CEP43: variants seen among roughly 807,000 people sequenced by gnomAD.
CEP43 encodes the protein FGFR1 oncogene partner.
In CEP43, 36 loss-of-function variants were observed where a neutral mutation model predicts 52.6. The ratio of observed to expected loss-of-function variants is 0.68; its 90% CI spans 0.52 to 0.90. The LOEUF is 0.90. Among genes scored for constraint, CEP43 ranks in the 40% least tolerant of loss-of-function variants. CEP43 has a pLI of 0.00. For missense variants in CEP43, 506 were observed against 472.8 expected, an observed-to-expected ratio of 1.07 and a Z score of -0.65; for synonymous variants, 192 against 172.4, an observed-to-expected ratio of 1.11 and a Z score of -0.89.
At position 167,041,511 on chromosome 6, in the gene CEP43, T is replaced by G. The variant is rs1780694956; in HGVS notation, c.*1533T>G. 4 of 1,054,628 alleles carry G rather than the reference T, an allele frequency of 3.8e-6. No homozygotes were observed. The highest frequency in any genetic ancestry group is 4.6e-5 in the South Asian group (1 of 21,876). The allele number at this position is 1,054,628 out of a possible 1,614,324, so 65.3% of individuals were successfully genotyped here. A position where few individuals can be genotyped will look rare whatever the true frequency, so the allele number is the denominator to read the frequency against. ...TCTTGTTGCAGTCCCCCAGTGTGGTTGTTATAAAATGCATTTCTTTGTAAG... is the reference window on the plus strand; with the variant it reads ...TCTTGTTGCAGTCCCCCAGTGTGGTGGTTATAAAATGCATTTCTTTGTAAG... On this transcript the variant is annotated 3_prime_UTR_variant, in exon 13 of 13. Transcript: ENST00000366847.
intron 1 of CEP43, 127 bp from the exon 2 acceptor site, chr6:166,999,933 C>A: frequency 1.4e-6 from 1 of 692,024 alleles, no homozygotes. Context: ...TTTCGGAAGG[C>A]GTTTCTGACC....
intron 1 of CEP43, 186 bp downstream of exon 1, chr6:166,999,700 G>C: frequency 2.1e-6 from 1 of 476,870 alleles, no homozygotes; most frequent in Non-Finnish European, 3.6e-6. Context: ...TCGTTCGTTC[G>C]TGTGGTCCCG....
chr6:167,018,550 C>A (rs550335806), intron 7 of CEP43, among the ~76,000 whole-genome samples: 15 of 152,200 alleles, frequency 9.9e-5, no homozygotes, highest in Admixed American at 2.6e-4. Context: ...GCCACCACAC[C>A]CAGCTAATTT....
At chr6:167,005,387 T>C (rs1779828701) in intron 5 of CEP43, among the ~76,000 whole-genome samples, 1 of 152,250 alleles carries the variant, frequency 6.6e-6, no homozygotes, top group Admixed American at 6.5e-5. Context: ...ATGGAGGAAT[T>C]GTCATTTAAC....
Position 167,040,146 on chromosome 6 carries a change from A to G in CEP43, c.*168A>G. 1.3e-6 allele frequency: 2 copies of G among 1,543,330 alleles called. No individual in the cohort carries two copies. The highest frequency in any genetic ancestry group is 1.7e-6 in the Non-Finnish European group (2 of 1,146,590). On this transcript the variant is annotated 3_prime_UTR_variant, in exon 13 of 13. Transcript: ENST00000366847. ...AGTAATTTTCATTTTACTAAACAAAATACTTCCTATTTGAGCCCATGTGTG... is the reference window on the plus strand; with the variant it reads ...AGTAATTTTCATTTTACTAAACAAAGTACTTCCTATTTGAGCCCATGTGTG...
At chr6:167,035,383 A>G (rs969273963) in intron 12 of CEP43, among the ~76,000 whole-genome samples, 2 of 152,028 alleles carry the variant, frequency 1.3e-5, no homozygotes, top group African/African-American at 4.8e-5. Flanking sequence ...CTTTCAGCCA[A>G]GGTGACCAAA....
Position 167,046,166 on chromosome 6 carries a change from A to G in CEP43, c.*6188A>G, listed in dbSNP as rs1562538410. 6.6e-6 allele frequency: 1 copy of G among 152,096 alleles called. No homozygotes were observed. The highest frequency in any genetic ancestry group is 2.4e-5 in the African/African-American group (1 of 41,404). 9.4% of individuals were successfully genotyped at this position (152,096 alleles called of 1,614,324 possible). On this transcript the variant is annotated 3_prime_UTR_variant, in exon 13 of 13. Transcript: ENST00000366847. The stretch of plus-strand genomic sequence containing the variant: ...AATTACATTTATAGAGGTTAGGTAT[A>G]TATGGCAGATCATATCTGAGCGTGA...
intron 10 of CEP43, among the ~76,000 whole-genome samples, chr6:167,029,500 T>C (rs75265403): frequency 0.02 from 3,089 of 152,370 alleles, 52 homozygotes; most frequent in East Asian, 0.091. Flanking sequence ...CTCTGAGCAT[T>C]ACGTCCCCAC....
Position 167,050,451 on chromosome 6 carries a change from A to G in CEP43, c.*10473A>G, listed in dbSNP as rs982900803. ...GTTCACGTCTTTTATTTCCTTGTTGATCTTACTCTTAGTTGTTCTATCCAT... is the reference window on the plus strand; with the variant it reads ...GTTCACGTCTTTTATTTCCTTGTTGGTCTTACTCTTAGTTGTTCTATCCAT... On this transcript the variant is annotated 3_prime_UTR_variant, in exon 13 of 13. Coordinates refer to ENST00000366847, the MANE Select transcript of CEP43 (RefSeq NM_007045.4). 1.3e-5 allele frequency: 2 copies of G among 151,990 alleles called. No homozygotes were observed. Among genetic ancestry groups the G allele is most frequent in the Non-Finnish European group, 2.9e-5 (2 of 68,004 alleles). The allele number at this position is 151,990 out of a possible 1,614,324, so 9.4% of individuals were successfully genotyped here.
intron 6 of CEP43, among the ~76,000 whole-genome samples, chr6:167,013,094 C>G (rs1282750474): frequency 7.2e-5 from 11 of 152,158 alleles, no homozygotes; most frequent in African/African-American, 2.2e-4. Context: ...TAGAAACTCT[C>G]CAAGAGTAGG....
At position 167,041,598 on chromosome 6, in the gene CEP43, C is replaced by T. The variant is rs1780696696; in HGVS notation, c.*1620C>T. On this transcript the variant is annotated 3_prime_UTR_variant, in exon 13 of 13. Transcript: ENST00000366847. ...AGTTCTGGTCCCCTGGAATCTGGATCACATGTATGATTTATTTTTAATATT... is the reference window on the plus strand; with the variant it reads ...AGTTCTGGTCCCCTGGAATCTGGATTACATGTATGATTTATTTTTAATATT... The T allele has an allele frequency of 9.6e-7, 1 of 1,046,058 alleles. No individual in the cohort carries two copies. Among genetic ancestry groups the T allele is most frequent in the Admixed American group, 5.5e-5 (1 of 18,048 alleles). 64.8% of individuals were successfully genotyped at this position (1,046,058 alleles called of 1,614,324 possible).
intron 7 of CEP43, among the ~76,000 whole-genome samples, chr6:167,019,145 G>C (rs548934706): frequency 6.6e-6 from 1 of 152,192 alleles, no homozygotes; most frequent in South Asian, 2.1e-4. Flanking sequence ...TGCACCTCAT[G>C]TTTATGAAGT....
intron 7 of CEP43, among the ~76,000 whole-genome samples, chr6:167,020,037 C>T (rs1421950873): frequency 6.6e-6 from 1 of 152,152 alleles, no homozygotes; most frequent in Non-Finnish European, 1.5e-5. Context: ...TTTCCAAATG[C>T]ATATTCTTTT....
chr6:167,040,681 C>A lies in CEP43; in HGVS notation c.*703C>A. ...TGCAATCGTCATTCCTCCTGTTATC[C>A]ATGTAAGCAGCTTTAGTCGTAGGTT... On this transcript the variant is annotated 3_prime_UTR_variant, in exon 13 of 13. Transcript: ENST00000366847. The A allele has an allele frequency of 9.8e-7, 1 of 1,022,130 alleles. No homozygotes were observed. 63.3% of individuals were successfully genotyped at this position (1,022,130 alleles called of 1,614,324 possible).
chr6:167,020,726 T>C (rs1583281114), intron 7 of CEP43, among the ~76,000 whole-genome samples: 1 of 152,070 alleles, frequency 6.6e-6, no homozygotes, highest in Non-Finnish European at 1.5e-5. Flanking sequence ...GTGGCCAACA[T>C]GTTGAAACCC....
Position 167,047,824 on chromosome 6 carries a change from G to A in CEP43, c.*7846G>A, listed in dbSNP as rs1780821394. 1 of 151,520 alleles carries A rather than the reference G, an allele frequency of 6.6e-6. No individual in the cohort carries two copies. The highest frequency in any genetic ancestry group is 2.4e-5 in the African/African-American group (1 of 41,198). 9.4% of individuals were successfully genotyped at this position (151,520 alleles called of 1,614,324 possible). A position where few individuals can be genotyped will look rare whatever the true frequency, so the allele number is the denominator to read the frequency against. The stretch of plus-strand genomic sequence containing the variant: ...CAGAATCAGAAACCATGGATTTCTG[G>A]TCTTGACTCCACTACCACTCAGAGG... On this transcript the variant is annotated 3_prime_UTR_variant, in exon 13 of 13. Coordinates refer to ENST00000366847, the MANE Select transcript of CEP43 (RefSeq NM_007045.4).
chr6:167,034,943 G>A (rs1357529517), intron 12 of CEP43, among the ~76,000 whole-genome samples: 1 of 152,128 alleles, frequency 6.6e-6, no homozygotes, highest in Admixed American at 6.5e-5. Flanking sequence ...TCATCCTAAA[G>A]AGGCCTGAAG....
At chr6:167,037,419 G>A (rs554619832) in intron 12 of CEP43, among the ~76,000 whole-genome samples, 3 of 152,326 alleles carry the variant, frequency 2.0e-5, no homozygotes, top group African/African-American at 7.2e-5. Flanking sequence ...ATAATGATGG[G>A]AAGAGAAAAT....
Position 167,032,461 on chromosome 6 carries a change from A to C in CEP43, c.989-142A>C, listed in dbSNP as rs1369816805. The C allele has an allele frequency of 2.7e-5, 17 of 618,914 alleles. No homozygotes were observed. The East Asian group carries it at 4.7e-4, about 17-fold the overall frequency. The allele number at this position is 618,914 out of a possible 1,614,324, so 38.3% of individuals were successfully genotyped here. The stretch of plus-strand genomic sequence containing the variant: ...TTCATTTGTCATTTGTCTTCATATT[A>C]TATATGCTTAAAATGTTATTTCTAG... On this transcript the variant is annotated intron_variant, in intron 10 of 12. Coordinates refer to ENST00000366847, the MANE Select transcript of CEP43 (RefSeq NM_007045.4).
Sources: allele counts gnomAD v4.1 joint callset (sites outside exome capture counted in the v4.1 genomes callset), GRCh38; gene constraint gnomAD v4.1.1; transcripts MANE v1.5; gene names NCBI Gene and HGNC (gene_info 2026-07-23, HGNC 2026-07-21).